The following MACROD2 variants were observed in gnomAD, a reference collection of about 807,000 sequenced individuals.
The protein encoded by MACROD2 is mono-ADP ribosylhydrolase 2.
In MACROD2, 36 loss-of-function variants were observed where a neutral mutation model predicts 70.4. The observed-to-expected ratio is 0.51, with a 90% CI of 0.39 to 0.68. MACROD2 has a LOEUF of 0.68. MACROD2 is among the 30% of genes least tolerant of loss of function. The probability of loss-of-function intolerance (pLI) is 0.00; values close to 1 mark genes in which losing one functional copy is unlikely to be tolerated. For missense variants in MACROD2, 496 were observed against 538.4 expected (o/e 0.92, Z 0.78); for synonymous variants, 172 against 178.8 (o/e 0.96, Z 0.30).
At chr20:15,290,999 T>C (rs1401888073) in intron 6 of MACROD2, among the ~76,000 whole-genome samples, 2 of 152,192 alleles carry the variant, frequency 1.3e-5, no homozygotes, top group Non-Finnish European at 2.9e-5. Context: ...GTGCTTTGGA[T>C]GCTGCTGAGA....
At chr20:15,699,602 C>T (rs562184929) in intron 8 of MACROD2, among the ~76,000 whole-genome samples, 29 of 152,240 alleles carry the variant, frequency 1.9e-4, no homozygotes, top group African/African-American at 5.5e-4. Flanking sequence ...GCCGCTGTGT[C>T]CCCTGCCACA....
chr20:14,205,100 G>A (rs796326826), intron 3 of MACROD2, among the ~76,000 whole-genome samples: 1 of 152,154 alleles, frequency 6.6e-6, no homozygotes, highest in South Asian at 2.1e-4. Flanking sequence ...TCAAATATCT[G>A]GAACAGGAAC....
At chr20:14,869,286 T>A (rs1414960758) in intron 5 of MACROD2, among the ~76,000 whole-genome samples, 1 of 152,196 alleles carries the variant, frequency 6.6e-6, no homozygotes, top group Non-Finnish European at 1.5e-5. Context: ...AGAACATTCT[T>A]TTGTATCCGT....
intron 5 of MACROD2, among the ~76,000 whole-genome samples, chr20:14,854,782 C>T (rs113314409): frequency 3.0e-4 from 45 of 152,086 alleles, no homozygotes; most frequent in East Asian, 9.7e-4. Context: ...TTTGGGAGGC[C>T]GAGGCGGGTG....
intron 3 of MACROD2, among the ~76,000 whole-genome samples, chr20:14,406,395 G>A (rs775931811): frequency 2.0e-4 from 31 of 152,054 alleles, no homozygotes; most frequent in South Asian, 8.3e-4. Context: ...TTATATTCTT[G>A]TAAGTCAAGA....
intron 8 of MACROD2, among the ~76,000 whole-genome samples, chr20:15,707,554 C>T (rs182493672): frequency 5.9e-5 from 9 of 152,256 alleles, no homozygotes; most frequent in East Asian, 5.8e-4. Flanking sequence ...GAGGCCAAGT[C>T]GGGCGGATTA....
chr20:14,222,281 T>C (rs1481697588), intron 3 of MACROD2, among the ~76,000 whole-genome samples: 1 of 152,186 alleles, frequency 6.6e-6, no homozygotes, highest in East Asian at 1.9e-4. Context: ...GTAGTATCTA[T>C]ACACAATGGA....
intron 5 of MACROD2, among the ~76,000 whole-genome samples, chr20:15,133,579 T>C (rs1367325349): frequency 6.6e-6 from 1 of 152,146 alleles, no homozygotes; most frequent in South Asian, 2.1e-4. Context: ...TAAAATATGG[T>C]GAACTATCTT....
chr20:15,144,531 G>A (rs1029752594), intron 5 of MACROD2, among the ~76,000 whole-genome samples: 5 of 152,100 alleles, frequency 3.3e-5, no homozygotes, highest in Non-Finnish European at 5.9e-5. Context: ...TTGTTGAACT[G>A]ATTAAGTTTC....
chr20:14,059,915 G>T (rs1381700848), intron 2 of MACROD2, among the ~76,000 whole-genome samples: 1 of 152,124 alleles, frequency 6.6e-6, no homozygotes, highest in African/African-American at 2.4e-5. Context: ...TTAGTAACTT[G>T]GAAGTCAGTA....
intron 8 of MACROD2, among the ~76,000 whole-genome samples, chr20:15,715,563 A>G (rs2050696696): frequency 6.6e-6 from 1 of 152,200 alleles, no homozygotes; most frequent in African/African-American, 2.4e-5. Flanking sequence ...ACATTTAGAA[A>G]GGAACTAGAC....
At chr20:14,200,553 A>C (rs1224671537) in intron 3 of MACROD2, among the ~76,000 whole-genome samples, 2 of 152,218 alleles carry the variant, frequency 1.3e-5, no homozygotes, top group African/African-American at 4.8e-5. Context: ...AAAACAAAAA[A>C]AGATTTCCTC....
intron 15 of MACROD2, among the ~76,000 whole-genome samples, chr20:16,033,472 G>T (rs1185926536): frequency 6.6e-6 from 1 of 152,068 alleles, no homozygotes; most frequent in Non-Finnish European, 1.5e-5. Flanking sequence ...CCCAGAGGAG[G>T]GATATGTGGT....
intron 5 of MACROD2, among the ~76,000 whole-genome samples, chr20:15,130,654 A>G (rs2076098427): frequency 1.3e-5 from 2 of 152,140 alleles, no homozygotes; most frequent in African/African-American, 2.4e-5. Flanking sequence ...AACTTTTGCA[A>G]TAAACAAGGT....
intron 8 of MACROD2, among the ~76,000 whole-genome samples, chr20:15,788,897 G>T (rs1343550155): frequency 6.6e-6 from 1 of 152,108 alleles, no homozygotes; most frequent in African/African-American, 2.4e-5. Flanking sequence ...TGTAGTCTCT[G>T]TCTTCATTAC....
At chr20:14,508,040 G>A (rs2084988730) in intron 4 of MACROD2, among the ~76,000 whole-genome samples, 1 of 152,190 alleles carries the variant, frequency 6.6e-6, no homozygotes, top group South Asian at 2.1e-4. Flanking sequence ...GAGGCATGGA[G>A]GGAGAGAAGT....
At chr20:14,522,693 G>T (rs1024315174) in intron 4 of MACROD2, among the ~76,000 whole-genome samples, 1 of 152,118 alleles carries the variant, frequency 6.6e-6, no homozygotes, top group Admixed American at 6.5e-5. Flanking sequence ...TTTGACTCAG[G>T]TTGCCAGTCA....
At chr20:14,488,833 C>G (rs2084763181) in intron 3 of MACROD2, among the ~76,000 whole-genome samples, 1 of 152,042 alleles carries the variant, frequency 6.6e-6, no homozygotes, top group East Asian at 1.9e-4. Context: ...TTTGCCCATG[C>G]TACGATATTC....
At chr20:14,858,590 G>A (rs2073280696) in intron 5 of MACROD2, among the ~76,000 whole-genome samples, 1 of 152,070 alleles carries the variant, frequency 6.6e-6, no homozygotes, top group South Asian at 2.1e-4. Context: ...TTAACATCCA[G>A]ACTATAAGAT....
Sources: allele counts gnomAD v4.1 joint callset (sites outside exome capture counted in the v4.1 genomes callset), GRCh38; gene constraint gnomAD v4.1.1; transcripts MANE v1.5; gene names NCBI Gene and HGNC (gene_info 2026-07-23, HGNC 2026-07-21).